The following MAP2K6 variants were observed in gnomAD, a reference collection of about 807,000 sequenced individuals.
MAP2K6 encodes mitogen-activated protein kinase kinase 6.
MAP2K6 carries 16 observed loss-of-function variants against 53.7 expected under a neutral mutation model. The ratio of observed to expected loss-of-function variants is 0.30; its 90% CI spans 0.20 to 0.45. The LOEUF is 0.45. MAP2K6 is among the 20% of genes least tolerant of loss of function. MAP2K6 has a pLI of 1.00. For missense variants in MAP2K6, 204 were observed against 411.9 expected (o/e 0.50, Z 4.37); for synonymous variants, 132 against 143.1 (o/e 0.92, Z 0.55).
chr17:69,449,063 C>T (rs1027547965), intron 1 of MAP2K6, among the ~76,000 whole-genome samples: 4 of 152,254 alleles, frequency 2.6e-5, no homozygotes, highest in South Asian at 4.1e-4. Context: ...TGTAAAGGAG[C>T]GTTTTTCTCT....
intron 1 of MAP2K6, among the ~76,000 whole-genome samples, chr17:69,460,519 T>C (rs1265486786): frequency 6.6e-6 from 1 of 152,176 alleles, no homozygotes; most frequent in Non-Finnish European, 1.5e-5. Flanking sequence ...GGACAGTGGA[T>C]AGGAGAAGTT....
chr17:69,459,663 G>A (rs894430744), intron 1 of MAP2K6, among the ~76,000 whole-genome samples: 2 of 115,180 alleles, frequency 1.7e-5, no homozygotes, highest in East Asian at 2.9e-4. Flanking sequence ...AGTGAGCTGA[G>A]ATTGCACCAC....
intron 1 of MAP2K6, among the ~76,000 whole-genome samples, chr17:69,432,300 G>T (rs1372719917): frequency 2.6e-5 from 4 of 152,112 alleles, no homozygotes; most frequent in African/African-American, 9.7e-5. Context: ...TCCCATTACT[G>T]GGTATATACC....
intron 1 of MAP2K6, among the ~76,000 whole-genome samples, chr17:69,499,136 G>A (rs142408813): frequency 2.8e-3 from 420 of 152,328 alleles, no homozygotes; most frequent in African/African-American, 9.7e-3. Context: ...AGTTCCCATA[G>A]TCAGTGGGCA....
intron 1 of MAP2K6, among the ~76,000 whole-genome samples, chr17:69,473,697 A>G (rs544386582): frequency 6.6e-6 from 1 of 152,290 alleles, no homozygotes; most frequent in Admixed American, 6.5e-5. Flanking sequence ...TTTTTAGCTA[A>G]GAGGACTAGA....
intron 1 of MAP2K6, among the ~76,000 whole-genome samples, chr17:69,484,048 A>G (rs1353533882): frequency 6.6e-6 from 1 of 152,152 alleles, no homozygotes; most frequent in Admixed American, 6.6e-5. Context: ...TTTCTTAGAT[A>G]TAATAGCAAA....
chr17:69,422,989 T>C (rs60684937), intron 1 of MAP2K6, among the ~76,000 whole-genome samples: 17,097 of 152,178 alleles, frequency 0.11, 1,453 homozygotes, highest in East Asian at 0.42. Context: ...GTTCAAGCGA[T>C]CCTCCTGCCT....
At chr17:69,422,161 T>A (rs978886199) in intron 1 of MAP2K6, among the ~76,000 whole-genome samples, 1 of 142,810 alleles carries the variant, frequency 7.0e-6, no homozygotes. Flanking sequence ...AGATGGGGTC[T>A]TGCTCTGTCA....
At chr17:69,513,166 T>C (rs1267837459) in intron 2 of MAP2K6, among the ~76,000 whole-genome samples, 5 of 152,164 alleles carry the variant, frequency 3.3e-5, no homozygotes, top group Non-Finnish European at 4.4e-5. Flanking sequence ...ATCTGATTTG[T>C]CAGTCTTGGC....
At chr17:69,428,852 G>GTTTTTTTTTT (rs1567814754) in intron 1 of MAP2K6, among the ~76,000 whole-genome samples, 1 of 102,360 alleles carries the variant, frequency 9.8e-6, no homozygotes, top group African/African-American at 5.3e-5. Context: ...CCTTTCTTCT[G>GTTTTTTTTTT]TTTTTGTTTT....
intron 1 of MAP2K6, among the ~76,000 whole-genome samples, chr17:69,468,224 C>G (rs1001900700): frequency 6.6e-6 from 1 of 152,162 alleles, no homozygotes. Flanking sequence ...GTTCCTTCTC[C>G]CCATCTCTAC....
rs1165242466 is a variant in MAP2K6 at position 69,514,483 on chromosome 17, A to G, written c.84-2372A>G. On this transcript the variant is annotated intron_variant, in intron 2 of 11. Coordinates refer to ENST00000590474, the MANE Select transcript of MAP2K6 (RefSeq NM_002758.4). Reference sequence around the variant, plus strand: ...AAACTTTAAGTATTCTATGTATTCCAAAAGGATTTTGAGGTGAGAGAAGGC... The same window carrying G: ...AAACTTTAAGTATTCTATGTATTCCGAAAGGATTTTGAGGTGAGAGAAGGC... 3.3e-5 allele frequency among the ~76,000 whole-genome samples: 5 copies of G among 152,314 alleles called. No individual in the cohort carries two copies. In the East Asian group the frequency reaches 9.6e-4, roughly 29 times the overall value.
chr17:69,513,300 G>A (rs1289919935), intron 2 of MAP2K6, among the ~76,000 whole-genome samples: 34 of 152,176 alleles, frequency 2.2e-4, no homozygotes, highest in Non-Finnish European at 7.4e-5. Context: ...AGTCTGCCTC[G>A]ATGGGAATCG....
At chr17:69,415,076 C>A in intron 1 of MAP2K6, 76 bp downstream of exon 1, 1 of 1,404,858 alleles carries the variant, frequency 7.1e-7, no homozygotes, top group South Asian at 1.2e-5. Context: ...ATGCAATTTT[C>A]GCCTGGCGAG....
intron 1 of MAP2K6, among the ~76,000 whole-genome samples, chr17:69,489,320 C>G (rs954110676): frequency 2.0e-5 from 3 of 152,044 alleles, no homozygotes; most frequent in African/African-American, 4.8e-5. Flanking sequence ...CATATTTACT[C>G]TAATACGTTT....
At chr17:69,460,312 T>C (rs1907580829) in intron 1 of MAP2K6, among the ~76,000 whole-genome samples, 2 of 152,290 alleles carry the variant, frequency 1.3e-5, no homozygotes, top group Admixed American at 6.5e-5. Context: ...GGACAGGTGC[T>C]TGAGCTGAAT....
chr17:69,532,888 T>A (rs1911154680), intron 10 of MAP2K6, among the ~76,000 whole-genome samples: 1 of 152,172 alleles, frequency 6.6e-6, no homozygotes, highest in South Asian at 2.1e-4. Flanking sequence ...ACTAGGGTAC[T>A]TTCCCCATAT....
rs1213257769 is a variant in MAP2K6, at chr17:69,546,452, T to C, written c.*4699T>C. The C allele has an allele frequency of 1.3e-5, 2 of 152,024 alleles. No individual in the cohort carries two copies. Among genetic ancestry groups the C allele is most frequent in the East Asian group, 1.9e-4 (1 of 5,188 alleles). 9.4% of individuals were successfully genotyped at this position (152,024 alleles called of 1,614,324 possible). A position where few individuals can be genotyped will look rare whatever the true frequency, so the allele number is the denominator to read the frequency against. ...TAATCTCAAAGGAGGCAGAGAGGGG[T>C]TAATGTTGCATAATTTATCACTAAA... is the stretch of plus-strand genomic sequence containing the variant. On this transcript the variant is annotated 3_prime_UTR_variant, in exon 12 of 12. Coordinates refer to ENST00000590474, the MANE Select transcript of MAP2K6 (RefSeq NM_002758.4).
Position 69,517,563 on chromosome 17 carries a change from G to T in MAP2K6, c.196G>T (p.Val66Leu), listed in dbSNP as rs1340856740. Residue 66 changes from valine (V) to leucine (L), a missense_variant, in exon 4 of 12, where the codon GTG becomes TTG. By Grantham distance (32) the Val-to-Leu change is conservative (BLOSUM62 1). Around this residue, in one of 3 missense-constraint regions of MAP2K6, gnomAD observed 129 missense variants for 247.1 expected, o/e 0.52. Coordinates refer to ENST00000590474, the MANE Select transcript of MAP2K6 (RefSeq NM_002758.4). Reference protein sequence around the residue: ...IMELGRGAYGVVEKMRHVPSG... With the variant: ...IMELGRGAYGLVEKMRHVPSG... ...GGAACTGGGACGAGGTGCGTACGGG[G>T]TGGTGGAGAAGATGCGGCACGTGCC... 2 of 1,610,684 alleles carry T rather than the reference G, an allele frequency of 1.2e-6. No homozygotes were observed. Among genetic ancestry groups the T allele is most frequent in the Non-Finnish European group, 1.7e-6 (2 of 1,178,070 alleles).
Sources: gnomAD v4.1 joint callset for allele counts (sites outside exome capture counted in the v4.1 genomes callset) on GRCh38, gnomAD v4.1.1 for gene constraint, gnomAD v4.1.1 regional missense constraint, MANE v1.5 for transcripts, NCBI Gene and HGNC (gene_info 2026-07-23, HGNC 2026-07-21) for gene names.